Variants in NLGN1 observed in about 807,000 individuals in gnomAD.
NLGN1 encodes neuroligin-1.
A neutral mutation model predicts 65.5 loss-of-function variants in NLGN1; 12 were observed. The observed-to-expected ratio is 0.18, with a 90% CI of 0.12 to 0.30. The LOEUF is 0.30. NLGN1 is among the 10% of genes least tolerant of loss of function. The probability of loss-of-function intolerance (pLI) is 1.00; values close to 1 mark genes in which losing one functional copy is unlikely to be tolerated. For missense variants in NLGN1, 750 were observed against 1,007.1 expected, an observed-to-expected ratio of 0.74 and a Z score of 3.46; for synonymous variants, 350 against 359.5, an observed-to-expected ratio of 0.97 and a Z score of 0.30.
intron 3 of NLGN1, among the ~76,000 whole-genome samples, chr3:173,803,237 T>G (rs1239571506): frequency 6.6e-6 from 1 of 152,176 alleles, no homozygotes; most frequent in Non-Finnish European, 1.5e-5. Context: ...TCTACCAACT[T>G]ATTTTAAAAA....
At chr3:173,859,835 CATTTTGTCTAA>C (rs1376652007) in intron 4 of NLGN1, among the ~76,000 whole-genome samples, 1 of 151,792 alleles carries the variant, frequency 6.6e-6, no homozygotes, top group East Asian at 1.9e-4. Context: ...AAACATCATC[CATTTTGTCTAA>C]ATTTTAAAAG....
rs139035415 is a variant in NLGN1 at position 174,132,039 on chromosome 3, T to C, written c.647-143276T>C. Among the ~76,000 whole-genome samples, 800 of 152,318 alleles carry C rather than the reference T, an allele frequency of 5.3e-3. 12 individuals are homozygous for C. The highest frequency in any genetic ancestry group is 0.019 in the African/African-American group (770 of 41,576). The stretch of plus-strand genomic sequence containing the variant: ...ATAACAGAAAAGGAATTTCCATTCA[T>C]AGTTGTTATTCTTCAAGAGTTCTGA... On this transcript the variant is annotated intron_variant, in intron 4 of 6. Transcript: ENST00000457714.
chr3:173,711,032 ATATT>A (rs368795200), intron 3 of NLGN1, among the ~76,000 whole-genome samples: 2 of 152,034 alleles, frequency 1.3e-5, no homozygotes, highest in African/African-American at 4.8e-5. Flanking sequence ...TTTATTACAC[ATATT>A]TATTTATTAT....
intron 4 of NLGN1, among the ~76,000 whole-genome samples, chr3:173,950,992 G>A (rs1748099971): frequency 1.3e-5 from 2 of 151,874 alleles, no homozygotes; most frequent in Admixed American, 6.6e-5. Context: ...TCAGCCTCTC[G>A]AATAGGTGGG....
At chr3:174,026,723 A>C (rs1310278042) in intron 4 of NLGN1, among the ~76,000 whole-genome samples, 1 of 152,180 alleles carries the variant, frequency 6.6e-6, no homozygotes, top group East Asian at 1.9e-4. Flanking sequence ...ACTATGTCCC[A>C]TGCACTATTA....
chr3:173,600,676 A>G (rs573101444), intron 2 of NLGN1, among the ~76,000 whole-genome samples: 2 of 146,698 alleles, frequency 1.4e-5, no homozygotes, highest in Admixed American at 7.1e-5. Flanking sequence ...CACATTCATC[A>G]TGTATTTATT....
At chr3:173,736,971 T>A (rs910164350) in intron 3 of NLGN1, among the ~76,000 whole-genome samples, 12 of 152,084 alleles carry the variant, frequency 7.9e-5, no homozygotes, top group African/African-American at 2.9e-4. Flanking sequence ...GATGTTCTAC[T>A]TATTATTTCA....
intron 1 of NLGN1, among the ~76,000 whole-genome samples, chr3:173,416,761 A>G (rs115969993): frequency 0.012 from 1,878 of 152,260 alleles, 54 homozygotes; most frequent in African/African-American, 0.043. Flanking sequence ...TTAGAATTTG[A>G]TATGATTAAA....
intron 2 of NLGN1, 24 bp from the exon 2 acceptor site, chr3:173,604,255 A>T (rs925533127): frequency 4.0e-6 from 1 of 250,350 alleles, no homozygotes; most frequent in Non-Finnish European, 7.7e-6. Flanking sequence ...GTTCCAGCTC[A>T]TGATTTATTT....
At chr3:173,739,808 A>G (rs529950016) in intron 3 of NLGN1, among the ~76,000 whole-genome samples, 1 of 152,292 alleles carries the variant, frequency 6.6e-6, no homozygotes, top group Non-Finnish European at 1.5e-5. Context: ...ATTTGTTAAC[A>G]AAACAAAGGT....
chr3:173,973,712 T>C (rs575423112), intron 4 of NLGN1, among the ~76,000 whole-genome samples: 25 of 152,220 alleles, frequency 1.6e-4, no homozygotes, highest in South Asian at 2.1e-4. Context: ...TATTTTCATT[T>C]ACTTAGATCT....
chr3:174,097,137 A>G (rs1000801677), intron 4 of NLGN1, among the ~76,000 whole-genome samples: 5 of 152,170 alleles, frequency 3.3e-5, no homozygotes, highest in African/African-American at 1.2e-4. Flanking sequence ...CTAGATATAA[A>G]TGATTATAAT....
chr3:173,584,072 C>CA (rs561995466), intron 2 of NLGN1, among the ~76,000 whole-genome samples: 17,236 of 125,236 alleles, frequency 0.14, 1,518 homozygotes, highest in African/African-American at 0.29. Context: ...TTTTTGTAGA[C>CA]AAAAAAAAAA....
chr3:173,921,277 T>C (rs1339981935), intron 4 of NLGN1, among the ~76,000 whole-genome samples: 14 of 147,860 alleles, frequency 9.5e-5, no homozygotes, highest in Admixed American at 6.8e-4. Context: ...ATAGCATTAT[T>C]ATACATTTAA....
chr3:174,059,042 AAC>A (rs1736807709), intron 4 of NLGN1, among the ~76,000 whole-genome samples: 1 of 152,118 alleles, frequency 6.6e-6, no homozygotes, highest in African/African-American at 2.4e-5. Flanking sequence ...ACAGAATATG[AAC>A]AGTTTCCCGT....
chr3:174,103,681 CTG>C (rs769705921), intron 4 of NLGN1, among the ~76,000 whole-genome samples: 1 of 152,002 alleles, frequency 6.6e-6, no homozygotes, highest in African/African-American at 2.4e-5. Flanking sequence ...GTATGATAAA[CTG>C]TTGTACAAAA....
At position 173,604,275 on chromosome 3, in the gene NLGN1, C is replaced by T; in HGVS notation, c.-320-4C>T. 3.7e-6 allele frequency: 1 copy of T among 272,628 alleles called. No individual in the cohort carries two copies. The highest frequency in any genetic ancestry group is 6.9e-6 in the Non-Finnish European group (1 of 143,940). 16.9% of individuals were successfully genotyped at this position (272,628 alleles called of 1,614,324 possible). ...AGCTCATGATTTATTTTCATTTTTT[C>T]TAGGATATAGACCTGCAGCTAACTG... On this transcript the variant is annotated splice_polypyrimidine_tract_variant and splice_region_variant and intron_variant, in intron 2 of 6. Transcript: ENST00000457714.
intron 4 of NLGN1, among the ~76,000 whole-genome samples, chr3:174,022,520 G>A (rs1406321405): frequency 6.6e-6 from 1 of 152,128 alleles, no homozygotes; most frequent in Non-Finnish European, 1.5e-5. Context: ...TAGGTGTCCT[G>A]GAGTCAGTTG....
intron 4 of NLGN1, among the ~76,000 whole-genome samples, chr3:174,213,935 A>G (rs1005894768): frequency 1.3e-5 from 2 of 152,186 alleles, no homozygotes; most frequent in African/African-American, 2.4e-5. Flanking sequence ...TTTAATTTAT[A>G]ATTATTTGCC....
Sources: gnomAD v4.1 joint callset for allele counts (sites outside exome capture counted in the v4.1 genomes callset) on GRCh38, gnomAD v4.1.1 for gene constraint, MANE v1.5 for transcripts, NCBI Gene and HGNC (gene_info 2026-07-23, HGNC 2026-07-21) for gene names.